The following PPP2R5E variants were observed in gnomAD, a reference collection of about 807,000 sequenced individuals.
PPP2R5E encodes the protein serine/threonine-protein phosphatase 2A 56 kDa regulatory subunit epsilon isoform.
A neutral mutation model predicts 65.3 loss-of-function variants in PPP2R5E; 4 were observed. The ratio of observed to expected loss-of-function variants is 0.06; its 90% CI spans 0.03 to 0.14. The LOEUF is 0.14. Among genes scored for constraint, PPP2R5E ranks in the 10% least tolerant of loss-of-function variants. The pLI is 1.00. For missense variants in PPP2R5E, 274 were observed against 556.1 expected, an observed-to-expected ratio of 0.49 and a Z score of 5.10; for synonymous variants, 183 against 187.4, an observed-to-expected ratio of 0.98 and a Z score of 0.19.
intron 13 of PPP2R5E, among the ~76,000 whole-genome samples, chr14:63,380,976 A>T (rs1884319854): frequency 6.6e-6 from 1 of 152,144 alleles, no homozygotes; most frequent in Non-Finnish European, 1.5e-5. Flanking sequence ...GTTCAGCAAG[A>T]CCCTGGGTAT....
intron 2 of PPP2R5E, among the ~76,000 whole-genome samples, chr14:63,505,220 G>C: frequency 6.6e-6 from 1 of 152,180 alleles, no homozygotes; most frequent in Non-Finnish European, 1.5e-5. Flanking sequence ...CCCAGCAGCC[G>C]AGGCTGCAAT....
chr14:63,502,211 A>T (rs139038489), intron 2 of PPP2R5E, among the ~76,000 whole-genome samples: 1 of 152,184 alleles, frequency 6.6e-6, no homozygotes, highest in African/African-American at 2.4e-5. Flanking sequence ...TGTTTTTTTA[A>T]ATGGAACCAT....
chr14:63,403,249 G>A (rs780654784), intron 5 of PPP2R5E, among the ~76,000 whole-genome samples: 2 of 151,962 alleles, frequency 1.3e-5, no homozygotes, highest in African/African-American at 2.4e-5. Context: ...CTAACATGGT[G>A]AAACCCTGTC....
chr14:63,473,400 T>G (rs1234542358), intron 2 of PPP2R5E, among the ~76,000 whole-genome samples: 3 of 152,210 alleles, frequency 2.0e-5, no homozygotes, highest in African/African-American at 7.2e-5. Flanking sequence ...AATGGAACCA[T>G]GGGGCAGCTA....
chr14:63,403,705 T>C (rs1300031706), intron 5 of PPP2R5E, among the ~76,000 whole-genome samples: 2 of 151,580 alleles, frequency 1.3e-5, no homozygotes, highest in Non-Finnish European at 2.9e-5. Flanking sequence ...GCTGTATGGT[T>C]ACTCTCAGAG....
chr14:63,522,909 C>G (rs1255765), intron 2 of PPP2R5E, among the ~76,000 whole-genome samples: 43,979 of 122,926 alleles, frequency 0.36, 9,384 homozygotes, highest in African/African-American at 0.63. Flanking sequence ...GGAGGGAGGT[C>G]GGGGGGTCAG....
intron 5 of PPP2R5E, among the ~76,000 whole-genome samples, chr14:63,412,228 G>A (rs1032226660): frequency 2.6e-5 from 4 of 152,170 alleles, no homozygotes; most frequent in Non-Finnish European, 4.4e-5. Context: ...AGACTGAGAT[G>A]GATCACTTGA....
rs1193982055 is a variant in PPP2R5E at position 63,539,780 on chromosome 14, A to G, written c.-7-88T>C. ...TACAAATTCTAAAATTCCCATATAC[A>G]ATATTCATGAAAATGGGAATATGTG... On this transcript the variant is annotated intron_variant, in intron 1 of 13. Transcript: ENST00000337537. 16 of 1,308,592 alleles carry G rather than the reference A, an allele frequency of 1.2e-5. No individual in the cohort carries two copies. The East Asian group carries it at 3.3e-4, about 27-fold the overall frequency. 81.1% of individuals were successfully genotyped at this position (1,308,592 alleles called of 1,614,324 possible).
chr14:63,421,544 C>T (rs1887024558), intron 4 of PPP2R5E, among the ~76,000 whole-genome samples: 1 of 152,186 alleles, frequency 6.6e-6, no homozygotes, highest in Non-Finnish European at 1.5e-5. Flanking sequence ...ATAGCTATTA[C>T]AGTTTGGTTT....
At chr14:63,530,201 G>A (rs1013024724) in intron 2 of PPP2R5E, among the ~76,000 whole-genome samples, 2 of 145,886 alleles carry the variant, frequency 1.4e-5, no homozygotes, top group Non-Finnish European at 3.0e-5. Flanking sequence ...AGAAATCCAC[G>A]AACCCTAAGT....
chr14:63,400,586 A>AT (rs1384699593), intron 5 of PPP2R5E, among the ~76,000 whole-genome samples: 3 of 151,900 alleles, frequency 2.0e-5, no homozygotes, highest in African/African-American at 7.3e-5. Context: ...ATTGCTGGAC[A>AT]TACACATTGT....
chr14:63,499,118 G>A (rs918003814), intron 2 of PPP2R5E, among the ~76,000 whole-genome samples: 6 of 152,148 alleles, frequency 3.9e-5, no homozygotes, highest in African/African-American at 1.4e-4. Context: ...AGGACATACT[G>A]GAACACAGAA....
chr14:63,435,297 G>T (rs1296409271), intron 3 of PPP2R5E, among the ~76,000 whole-genome samples: 3 of 152,044 alleles, frequency 2.0e-5, no homozygotes, highest in Non-Finnish European at 4.4e-5. Context: ...ACTAGGAGCA[G>T]ACTGGCCAAA....
intron 4 of PPP2R5E, among the ~76,000 whole-genome samples, chr14:63,419,035 C>A (rs1263306410): frequency 6.6e-6 from 1 of 151,868 alleles, no homozygotes; most frequent in Non-Finnish European, 1.5e-5. Context: ...TTCATAGAGG[C>A]GAGGTTTCAC....
At chr14:63,383,987 C>G (rs905175425) in intron 12 of PPP2R5E, among the ~76,000 whole-genome samples, 3 of 152,144 alleles carry the variant, frequency 2.0e-5, no homozygotes, top group African/African-American at 7.2e-5. Flanking sequence ...AGCACCCTCC[C>G]CAAAAGACCT....
At chr14:63,484,345 T>TCACACACACACACACACA (rs1239784741) in intron 2 of PPP2R5E, among the ~76,000 whole-genome samples, 2 of 124,264 alleles carry the variant, frequency 1.6e-5, no homozygotes, top group African/African-American at 6.6e-5. Context: ...TCTCTCTCTC[T>TCACACACACACACACACA]CTCACACACA....
chr14:63,443,964 C>A (rs1472609042), intron 3 of PPP2R5E, among the ~76,000 whole-genome samples: 3 of 152,234 alleles, frequency 2.0e-5, no homozygotes, highest in African/African-American at 4.8e-5. Context: ...AAAACAGTCT[C>A]CTAATTGATT....
At chr14:63,430,381 A>ACATACATACATACATGCATGCATG (rs1566696520) in intron 3 of PPP2R5E, among the ~76,000 whole-genome samples, 1 of 132,974 alleles carries the variant, frequency 7.5e-6, no homozygotes, top group African/African-American at 3.6e-5. Context: ...ATGCATGCAT[A>ACATACATACATACATGCATGCATG]CATACATACA....
chr14:63,482,479 A>G (rs1286424078), intron 2 of PPP2R5E, among the ~76,000 whole-genome samples: 1 of 152,116 alleles, frequency 6.6e-6, no homozygotes. Flanking sequence ...AACAACAAAA[A>G]AAAACTGTTG....
Sources: allele counts gnomAD v4.1 joint callset (sites outside exome capture counted in the v4.1 genomes callset), GRCh38; gene constraint gnomAD v4.1.1; transcripts MANE v1.5; gene names NCBI Gene and HGNC (gene_info 2026-07-23, HGNC 2026-07-21).